The following TRPC1 variants were observed in gnomAD, a reference collection of about 807,000 sequenced individuals.
TRPC1 encodes short transient receptor potential channel 1.
A neutral mutation model predicts 88.2 loss-of-function variants in TRPC1; 42 were observed. The ratio of observed to expected loss-of-function variants is 0.48; its 90% CI spans 0.37 to 0.62. The LOEUF is 0.62. TRPC1 is among the 20% of genes least tolerant of loss of function. The pLI is 0.00. For missense variants in TRPC1, 699 were observed against 957.3 expected (o/e 0.73, Z 3.56); for synonymous variants, 288 against 331.8 (o/e 0.87, Z 1.43).
At chr3:142,797,925 G>T (rs1464697908) in intron 9 of TRPC1, among the ~76,000 whole-genome samples, 1 of 152,082 alleles carries the variant, frequency 6.6e-6, no homozygotes, top group Non-Finnish European at 1.5e-5. Flanking sequence ...TAATTTAGTA[G>T]CCTGTATAAT....
At chr3:142,741,406 T>C (rs2108031313) in intron 2 of TRPC1, among the ~76,000 whole-genome samples, 1 of 152,280 alleles carries the variant, frequency 6.6e-6, no homozygotes, top group East Asian at 1.9e-4. Context: ...CTGAATATAA[T>C]TTAACTTTAC....
chr3:142,795,014 A>G (rs1445196845), intron 9 of TRPC1, among the ~76,000 whole-genome samples: 2 of 151,838 alleles, frequency 1.3e-5, no homozygotes, highest in Non-Finnish European at 2.9e-5. Flanking sequence ...TGGAAGATGT[A>G]AAAAAAAGAA....
At chr3:142,763,981 T>TATATATATAC (rs1162744315) in intron 4 of TRPC1, among the ~76,000 whole-genome samples, 4 of 62,670 alleles carry the variant, frequency 6.4e-5, no homozygotes, top group African/African-American at 3.2e-4. Flanking sequence ...TATATATATA[T>TATATATATAC]ATACACATAC....
At position 142,804,501 on chromosome 3, in the gene TRPC1, A is replaced by G. The variant is rs770130589; in HGVS notation, c.2025A>G (p.Lys675=). 3.7e-5 allele frequency: 59 copies of G among 1,613,774 alleles called. 2 individuals are homozygous for G. The Middle Eastern group carries it at 8.3e-4, about 23-fold the overall frequency. ...AKLWLSYFDD[K]CTLPPPFNII... ...TATGGCTTAGCTACTTTGATGACAAATGTACGTTACCTCCACCTTTCAACA... is the reference window on the plus strand; with the variant it reads ...TATGGCTTAGCTACTTTGATGACAAGTGTACGTTACCTCCACCTTTCAACA... The change falls in exon 12 of 13, where the codon AAA becomes AAG. Residue 675 remains lysine (K), a synonymous_variant. Transcript: ENST00000476941.
rs571634574 is a variant in TRPC1, at chr3:142,748,236, C to T, written c.430-22C>T. On this transcript the variant is annotated intron_variant, in intron 3 of 12. Coordinates refer to ENST00000476941, the MANE Select transcript of TRPC1 (RefSeq NM_001251845.2). ...TGAAGTCACAAATAATAACTTTGGA[C>T]ATTTATATAAATATTTTTCAGAAAC... is the stretch of plus-strand genomic sequence containing the variant. 3.5e-5 allele frequency: 55 copies of T among 1,585,356 alleles called. No homozygotes were observed. In the African/African-American group the frequency reaches 6.5e-4, roughly 19 times the overall value.
chr3:142,778,295 A>G (rs1487285108), intron 5 of TRPC1, among the ~76,000 whole-genome samples: 3 of 152,186 alleles, frequency 2.0e-5, no homozygotes, highest in Non-Finnish European at 4.4e-5. Flanking sequence ...AAAATAAAAT[A>G]CAACTAATTA....
chr3:142,759,388 T>G (rs990581922), intron 4 of TRPC1, among the ~76,000 whole-genome samples: 3 of 152,244 alleles, frequency 2.0e-5, no homozygotes, highest in African/African-American at 7.2e-5. Context: ...TGAGATGGTA[T>G]CTTACTGTGG....
At chr3:142,788,256 C>T (rs1210431440) in intron 7 of TRPC1, among the ~76,000 whole-genome samples, 2 of 152,004 alleles carry the variant, frequency 1.3e-5, no homozygotes, top group African/African-American at 4.8e-5. Flanking sequence ...AGACCAATAT[C>T]GATGCTGTTG....
chr3:142,727,153 CT>C (rs1343373872), intron 1 of TRPC1, among the ~76,000 whole-genome samples: 1 of 152,126 alleles, frequency 6.6e-6, no homozygotes, highest in Non-Finnish European at 1.5e-5. Flanking sequence ...TGTATGGATG[CT>C]TTATAAACCT....
intron 2 of TRPC1, among the ~76,000 whole-genome samples, chr3:142,739,227 G>A (rs1934255215): frequency 6.6e-6 from 1 of 152,110 alleles, no homozygotes; most frequent in Admixed American, 6.6e-5. Context: ...ACCTGCCTTG[G>A]CCTCCCAAAG....
At chr3:142,797,596 A>T (rs1292270736) in intron 9 of TRPC1, among the ~76,000 whole-genome samples, 1 of 152,122 alleles carries the variant, frequency 6.6e-6, no homozygotes, top group African/African-American at 2.4e-5. Context: ...AAATGAATGA[A>T]CATCCCCTTG....
intron 4 of TRPC1, among the ~76,000 whole-genome samples, chr3:142,766,409 C>A (rs111272405): frequency 7.5e-6 from 1 of 133,562 alleles, no homozygotes; most frequent in Non-Finnish European, 1.6e-5. Flanking sequence ...TTTTTTTTTT[C>A]TTTTTTTTTG....
chr3:142,784,353 C>T (rs13086677), intron 6 of TRPC1, among the ~76,000 whole-genome samples: 24,234 of 135,050 alleles, frequency 0.18, 2,204 homozygotes, highest in Non-Finnish European at 0.21. Context: ...ATGAACCAGG[C>T]GCTATTCTGA....
At chr3:142,750,401 A>G (rs1050685473) in intron 4 of TRPC1, among the ~76,000 whole-genome samples, 21 of 152,350 alleles carry the variant, frequency 1.4e-4, no homozygotes, top group Non-Finnish European at 2.1e-4. Context: ...TGATCATTAA[A>G]AAGTCAGGAA....
chr3:142,806,214 T>TATG lies in TRPC1; in HGVS notation c.2362_2364dup (p.Met788dup). ...TTGGCTTTCGGACTTCTAAATATGC[T>TATG]ATGTTTTATCCAAGAAATTAACCAT... On this transcript the variant is annotated inframe_insertion, in exon 13 of 13. Transcript: ENST00000476941. 1.9e-6 allele frequency: 3 copies of TATG among 1,607,750 alleles called. No homozygotes were observed. The highest frequency in any genetic ancestry group is 2.6e-6 in the Non-Finnish European group (3 of 1,175,016).
rs183075827 is a variant in TRPC1 at position 142,741,134 on chromosome 3, G to A, written c.328-2351G>A. Among the ~76,000 whole-genome samples, 505 of 151,646 alleles carry A rather than the reference G, an allele frequency of 3.3e-3. 12 individuals carry two copies. Among genetic ancestry groups the A allele is most frequent in the African/African-American group, 0.012 (487 of 41,300 alleles). Reference sequence around the variant, plus strand: ...ATTGAAGAGCTTTTAATAAAGAATCGTCAAATATCTGAGAAATTGGAAAGC... The same window carrying A: ...ATTGAAGAGCTTTTAATAAAGAATCATCAAATATCTGAGAAATTGGAAAGC... On this transcript the variant is annotated intron_variant, in intron 2 of 12. Coordinates refer to ENST00000476941, the MANE Select transcript of TRPC1 (RefSeq NM_001251845.2).
chr3:142,724,281 G>T lies in TRPC1; in HGVS notation c.-279G>T, dbSNP rs1479570831. The T allele has an allele frequency of 5.2e-6, 1 of 193,474 alleles. No homozygotes were observed. The highest frequency in any genetic ancestry group is 1.0e-5 in the Non-Finnish European group (1 of 95,404). The allele number at this position is 193,474 out of a possible 1,614,324, so 12.0% of individuals were successfully genotyped here. On this transcript the variant is annotated 5_prime_UTR_variant, in exon 1 of 13. Coordinates refer to ENST00000476941, the MANE Select transcript of TRPC1 (RefSeq NM_001251845.2). This position sits in a 1 kb window ranked among gnomAD's most constrained non-coding sequence, Gnocchi z 5.6. ...GCGCGCCACACTGTCGTCCCCGGAC[G>T]GGCGCGGACCGGCTCGGCCGGGGCG...
chr3:142,804,315 G>A, intron 11 of TRPC1, 121 bp from the exon 12 acceptor site: 4 of 1,143,874 alleles, frequency 3.5e-6, no homozygotes, highest in Non-Finnish European at 3.6e-6. Flanking sequence ...TTTTTAAAAT[G>A]TAAGTAATGT....
At position 142,724,597 on chromosome 3, in the gene TRPC1, G is replaced by T; in HGVS notation, c.38G>T (p.Gly13Val). ...AALYPSTDLS[G>V]ASSSSLPSSP... Reference sequence around the variant, plus strand: ...CTGTACCCGAGCACGGACCTCTCGGGCGCCTCCTCCTCCTCCCTGCCTTCC... The same window carrying T: ...CTGTACCCGAGCACGGACCTCTCGGTCGCCTCCTCCTCCTCCCTGCCTTCC... Residue 13 changes from glycine to valine, a missense_variant, in exon 1 of 13, where the codon GGC becomes GTC. Physicochemically the swap from Gly to Val is moderately radical, Grantham distance 109 (BLOSUM62 -3). Coordinates refer to ENST00000476941, the MANE Select transcript of TRPC1 (RefSeq NM_001251845.2). This position sits in a 1 kb window ranked among gnomAD's most constrained non-coding sequence, Gnocchi z 5.6. 2 of 1,602,634 alleles carry T rather than the reference G, an allele frequency of 1.2e-6. No homozygotes were observed. Among genetic ancestry groups the T allele is most frequent in the African/African-American group, 1.3e-5 (1 of 74,496 alleles).
Sources: gnomAD v4.1 joint callset for allele counts (sites outside exome capture counted in the v4.1 genomes callset) on GRCh38, gnomAD v4.1.1 for gene constraint, Gnocchi (gnomAD v3.1) non-coding constraint, MANE v1.5 for transcripts, NCBI Gene and HGNC (gene_info 2026-07-23, HGNC 2026-07-21) for gene names.